Variants in SUGCT observed in about 807,000 individuals in gnomAD.
The protein encoded by SUGCT is succinyl-CoA:glutarate CoA-transferase.
Under a neutral mutation model 55.0 loss-of-function variants are expected in SUGCT, and 41 were observed. The observed-to-expected ratio is 0.74, with a 90% CI of 0.58 to 0.97. The LOEUF (loss-of-function observed/expected upper bound fraction) is 0.97, where lower values mean the gene tolerates loss of function less well. SUGCT is among the 50% of genes least tolerant of loss of function. SUGCT has a pLI of 0.00. For missense variants in SUGCT, 568 were observed against 547.8 expected, an observed-to-expected ratio of 1.04 and a Z score of -0.37; for synonymous variants, 187 against 200.4, an observed-to-expected ratio of 0.93 and a Z score of 0.56.
chr7:40,971,041 T>A, the SUGCT span, among the ~76,000 whole-genome samples: 205 of 152,292 alleles, frequency 1.3e-3, 1 homozygote, highest in African/African-American at 4.7e-3. Flanking sequence ...CTGGGTAATT[T>A]ATTTTTTCAA....
chr7:40,475,638 G>A (rs1197029377), intron 11 of SUGCT, among the ~76,000 whole-genome samples: 1 of 152,106 alleles, frequency 6.6e-6, no homozygotes, highest in Non-Finnish European at 1.5e-5. Context: ...CTTGAACTCT[G>A]TGAAGCATCA....
intron 13 of SUGCT, among the ~76,000 whole-genome samples, chr7:40,797,723 C>G (rs1199123217): frequency 6.6e-6 from 1 of 152,186 alleles, no homozygotes; most frequent in Non-Finnish European, 1.5e-5. Context: ...TGAACCCCCC[C>G]CAAATAAATG....
intron 9 of SUGCT, among the ~76,000 whole-genome samples, chr7:40,428,984 CCTT>C (rs1378318140): frequency 6.6e-6 from 1 of 152,098 alleles, no homozygotes; most frequent in African/African-American, 2.4e-5. Context: ...TATTTCTCCT[CCTT>C]TTTTTCTTTT....
chr7:40,391,578 A>C (rs981428175), intron 9 of SUGCT, among the ~76,000 whole-genome samples: 1 of 138,346 alleles, frequency 7.2e-6, no homozygotes, highest in African/African-American at 2.7e-5. Context: ...TCAAAACCAC[A>C]GTGAGATACC....
intron 12 of SUGCT, among the ~76,000 whole-genome samples, chr7:40,678,760 A>G (rs1267909244): frequency 1.3e-5 from 2 of 152,206 alleles, no homozygotes; most frequent in African/African-American, 4.8e-5. Context: ...TTTAGGGCAG[A>G]TATTTTTTCC....
intron 1 of SUGCT, among the ~76,000 whole-genome samples, chr7:40,172,988 G>C (rs1240620316): frequency 6.6e-6 from 1 of 152,220 alleles, no homozygotes; most frequent in Admixed American, 6.5e-5. Flanking sequence ...AGAATCCCCA[G>C]ACGAGGCCAC....
At chr7:40,818,980 T>A (rs960395466) in intron 13 of SUGCT, among the ~76,000 whole-genome samples, 22 of 142,180 alleles carry the variant, frequency 1.5e-4, no homozygotes, top group Non-Finnish European at 4.5e-5. Context: ...CATTGTTCAC[T>A]TCCCACCTAT....
intron 5 of SUGCT, among the ~76,000 whole-genome samples, chr7:40,191,354 C>A (rs959938254): frequency 6.6e-6 from 1 of 152,110 alleles, no homozygotes; most frequent in Non-Finnish European, 1.5e-5. Context: ...AACTTAGCTT[C>A]AATTGCTCTG....
chr7:40,713,980 T>G (rs1433436353), intron 12 of SUGCT, among the ~76,000 whole-genome samples: 3 of 152,176 alleles, frequency 2.0e-5, no homozygotes, highest in African/African-American at 7.2e-5. Context: ...TTAAGAAACA[T>G]TTTAAACTTT....
intron 9 of SUGCT, among the ~76,000 whole-genome samples, chr7:40,377,123 CCTTCCTCTTT>C (rs1411535682): frequency 0.097 from 1,702 of 17,592 alleles, 804 homozygotes; most frequent in South Asian, 0.22. Context: ...AAATTTTCAG[CCTTCCTCTTT>C]CTTTCTTTCT....
intron 12 of SUGCT, among the ~76,000 whole-genome samples, chr7:40,667,263 A>G (rs967789116): frequency 1.3e-5 from 2 of 152,138 alleles, no homozygotes; most frequent in Non-Finnish European, 2.9e-5. Flanking sequence ...ATTGATTTGC[A>G]TATGTTAAGC....
intron 12 of SUGCT, among the ~76,000 whole-genome samples, chr7:40,747,843 C>T (rs1248602484): frequency 6.6e-6 from 1 of 152,058 alleles, no homozygotes; most frequent in East Asian, 1.9e-4. Flanking sequence ...AAACATTTTG[C>T]CTCCAATAAT....
rs558133535 is a variant in SUGCT, at chr7:40,278,291, G to A, written c.720+3635G>A. Among the ~76,000 whole-genome samples, 173 of 152,226 alleles carry A rather than the reference G, an allele frequency of 1.1e-3. 1 individual carries two copies. Among genetic ancestry groups the A allele is most frequent in the Middle Eastern group, 3.4e-3 (1 of 294 alleles). Reference sequence around the variant, plus strand: ...TCAGGAAACAACAGGTGCTGGAGAGGATGTGGAGAAATAGGAACACTTTTA... The same window carrying A: ...TCAGGAAACAACAGGTGCTGGAGAGAATGTGGAGAAATAGGAACACTTTTA... On this transcript the variant is annotated intron_variant, in intron 8 of 13. Coordinates refer to ENST00000335693, the MANE Select transcript of SUGCT (RefSeq NM_001193313.2).
chr7:40,561,918 C>T (rs1423749235), intron 12 of SUGCT, among the ~76,000 whole-genome samples: 3 of 150,326 alleles, frequency 2.0e-5, no homozygotes, highest in South Asian at 2.1e-4. Context: ...TCTTGAACTC[C>T]TGACCTCCTG....
At position 40,327,672 on chromosome 7, in the gene SUGCT, T is replaced by C. The variant is rs371751688; in HGVS notation, c.816+10817T>C. ...TCCTTTAAGATTTTTTCGGCTTTTC[T>C]TGTATTCTTAATATATGTGCAGAAC... is the stretch of plus-strand genomic sequence containing the variant. On this transcript the variant is annotated intron_variant, in intron 9 of 13. Transcript: ENST00000335693. Among the ~76,000 whole-genome samples, 12 of 152,356 alleles carry C rather than the reference T, an allele frequency of 7.9e-5. No homozygotes were observed. The East Asian group carries it at 2.3e-3, about 29-fold the overall frequency.
chr7:40,858,721 C>G (rs908531337), intron 13 of SUGCT, among the ~76,000 whole-genome samples: 6 of 152,154 alleles, frequency 3.9e-5, no homozygotes, highest in Non-Finnish European at 7.3e-5. Flanking sequence ...TGATTTCTCT[C>G]TTACTGAAAA....
chr7:40,708,233 G>A (rs1303946334), intron 12 of SUGCT, among the ~76,000 whole-genome samples: 1 of 152,116 alleles, frequency 6.6e-6, no homozygotes. Context: ...GGTACTCTGT[G>A]CTTTAATGGT....
At chr7:40,916,070 T>TACACACACACAC in the SUGCT span, among the ~76,000 whole-genome samples, 2 of 144,758 alleles carry the variant, frequency 1.4e-5, no homozygotes, top group African/African-American at 5.3e-5. Context: ...TCTCTCTACA[T>TACACACACACAC]ACACACACAC....
chr7:40,459,327 G>A (rs1200301777), intron 11 of SUGCT, 129 bp downstream of exon 11: 2 of 614,964 alleles, frequency 3.3e-6, no homozygotes, highest in Non-Finnish European at 5.4e-6. Context: ...TACAAAACTG[G>A]CTGGTGGAGA....
Sources: allele counts gnomAD v4.1 joint callset (sites outside exome capture counted in the v4.1 genomes callset), GRCh38; gene constraint gnomAD v4.1.1; transcripts MANE v1.5; gene names NCBI Gene and HGNC (gene_info 2026-07-23, HGNC 2026-07-21).